PLCH1: variants seen among roughly 807,000 people sequenced by gnomAD.
PLCH1 encodes the protein 1-phosphatidylinositol 4,5-bisphosphate phosphodiesterase eta-1.
PLCH1 carries 60 observed loss-of-function variants against 126.7 expected under a neutral mutation model. The ratio of observed to expected loss-of-function variants is 0.47; its 90% CI spans 0.38 to 0.59. The LOEUF is 0.59. Ranked by LOEUF, PLCH1 falls within the 20% of genes least tolerant of loss-of-function variation. The pLI is 0.00. For missense variants in PLCH1, 1,723 were observed against 2,040.0 expected (o/e 0.84, Z 2.99); for synonymous variants, 719 against 734.9 (o/e 0.98, Z 0.35).
chr3:155,657,268 C>A (rs1406643379), intron 2 of PLCH1, among the ~76,000 whole-genome samples: 1 of 152,096 alleles, frequency 6.6e-6, no homozygotes, highest in African/African-American at 2.4e-5. Flanking sequence ...ATGAAGTAGG[C>A]CTATGGTTGC....
rs193048365 is a variant in PLCH1 at position 155,458,203 on chromosome 3, G to A, written c.2938+27153C>T. Among the ~76,000 whole-genome samples the A allele has an allele frequency of 4.4e-4, 67 of 151,702 alleles. No individual in the cohort carries two copies. The East Asian group carries it at 0.011, about 24-fold the overall frequency. On this transcript the variant is annotated intron_variant, in intron 21 of 21. Coordinates refer to the PLCH1 transcript ENST00000494598. ...CCAAAAATACAAAAATTAGTGGGGC[G>A]TAGTAGTGCATGCCTGTAATTCCAG...
rs368685875 is a variant in PLCH1, at chr3:155,481,468, C to T, written c.4558G>A (p.Gly1520Ser). The change falls in exon 23 of 23, where the codon GGC (glycine) becomes AGC (serine). Residue 1520 changes from glycine to serine, a missense_variant. Physicochemically the swap from Gly to Ser is moderately conservative, Grantham distance 56. Transcript: ENST00000460012. This position sits in a 1 kb window ranked among gnomAD's most constrained non-coding sequence, Gnocchi z 4.2. ...AACGACTTTGTCTTCACAGTCACGC[C>T]CTTCTTGTCTCTAATGCCAGTTGTA... ...FVTTGIRDKK[G>S]VTVKTKSLEP... 10 of 1,614,048 alleles carry T rather than the reference C, an allele frequency of 6.2e-6. No homozygotes were observed. In the East Asian group the frequency reaches 1.8e-4, roughly 29 times the overall value.
chr3:155,497,629 C>T (rs1717247245), intron 14 of PLCH1, among the ~76,000 whole-genome samples: 1 of 152,240 alleles, frequency 6.6e-6, no homozygotes, highest in Admixed American at 6.5e-5. Context: ...CTTATCCTCA[C>T]TTTCCCTTTC....
At chr3:155,565,683 T>C (rs778735745) in intron 7 of PLCH1, among the ~76,000 whole-genome samples, 6 of 137,928 alleles carry the variant, frequency 4.4e-5, no homozygotes, top group Non-Finnish European at 9.6e-5. Flanking sequence ...TTTCCTTCTT[T>C]ATTTTATTTT....
chr3:155,637,806 C>A (rs886928483), intron 2 of PLCH1, among the ~76,000 whole-genome samples: 7 of 152,148 alleles, frequency 4.6e-5, no homozygotes, highest in African/African-American at 1.7e-4. Flanking sequence ...TTTAAAGTAA[C>A]CTTTCAAATC....
rs375773648 is a variant in PLCH1, at chr3:155,504,578, T to G, written c.1681A>C (p.Met561Leu). ...ACCTTATGTTTTCCAAAGTTGGTCATGAGGGATCGTCCATGTGATTTCTTT... is the reference window on the plus strand; with the variant it reads ...ACCTTATGTTTTCCAAAGTTGGTCAGGAGGGATCGTCCATGTGATTTCTTT... ...SGKKSHGRSL[M>L]TNFGKHKKTT... Residue 561 changes from methionine to leucine, a missense_variant, in exon 13 of 23, where the codon ATG (methionine) becomes CTG (leucine). Met to Leu is a conservative substitution (Grantham distance 15). This residue lies in a region of PLCH1 where 776 missense variants were observed against 1,062.9 expected (regional missense o/e 0.73). Transcript: ENST00000460012. The G allele has an allele frequency of 6.2e-7, 1 of 1,606,500 alleles. No homozygotes were observed. Among genetic ancestry groups the G allele is most frequent in the South Asian group, 1.1e-5 (1 of 90,934 alleles).
chr3:155,640,023 T>A (rs539844492), intron 2 of PLCH1, among the ~76,000 whole-genome samples: 4 of 152,252 alleles, frequency 2.6e-5, no homozygotes, highest in Non-Finnish European at 5.9e-5. Flanking sequence ...ATGCTTTCTG[T>A]ACAGCCTGCA....
chr3:155,649,338 C>T (rs903397478), intron 2 of PLCH1, among the ~76,000 whole-genome samples: 1 of 152,120 alleles, frequency 6.6e-6, no homozygotes, highest in Admixed American at 6.5e-5. Context: ...AATTCTGTTT[C>T]GGCCCTAAAA....
intron 10 of PLCH1, among the ~76,000 whole-genome samples, chr3:155,544,874 A>T (rs2108416647): frequency 6.6e-6 from 1 of 151,610 alleles, no homozygotes; most frequent in Admixed American, 6.6e-5. Context: ...AATCTCTGGG[A>T]CACATTCAAA....
At chr3:155,547,246 TC>T (rs944293024) in intron 10 of PLCH1, among the ~76,000 whole-genome samples, 214 of 149,840 alleles carry the variant, frequency 1.4e-3, no homozygotes, top group African/African-American at 5.1e-3. Context: ...AACAGACACT[TC>T]TCAAAAGAAG....
chr3:155,614,370 G>C (rs968575462), intron 2 of PLCH1, among the ~76,000 whole-genome samples: 8 of 152,026 alleles, frequency 5.3e-5, no homozygotes, highest in Non-Finnish European at 1.0e-4. Context: ...CAAATCTGGA[G>C]GCATCACATT....
intron 1 of PLCH1, among the ~76,000 whole-genome samples, chr3:155,716,581 G>A (rs1314397753): frequency 4.6e-5 from 7 of 152,112 alleles, no homozygotes; most frequent in Admixed American, 4.6e-4. Flanking sequence ...AGGAGCAAGA[G>A]AATACGATGG....
intron 6 of PLCH1, among the ~76,000 whole-genome samples, chr3:155,579,844 C>T (rs867925721): frequency 2.0e-5 from 3 of 152,098 alleles, no homozygotes; most frequent in African/African-American, 7.2e-5. Context: ...GCCTGTCAGT[C>T]TCTGTCTCTG....
chr3:155,666,182 CAA>C (rs984915813), intron 2 of PLCH1, among the ~76,000 whole-genome samples: 2 of 152,176 alleles, frequency 1.3e-5, no homozygotes, highest in African/African-American at 4.8e-5. Flanking sequence ...ATTTCTGAGC[CAA>C]AGAGTTTTTC....
At chr3:155,591,906 A>G (rs548484381) in intron 4 of PLCH1, among the ~76,000 whole-genome samples, 207 of 151,922 alleles carry the variant, frequency 1.4e-3, no homozygotes, top group African/African-American at 4.9e-3. Context: ...GGGTCTCACT[A>G]TTTTGCCGAG....
At chr3:155,596,166 G>A (rs778413863) in intron 3 of PLCH1, 66 bp downstream of exon 3, 2 of 1,170,474 alleles carry the variant, frequency 1.7e-6, no homozygotes, top group Non-Finnish European at 2.5e-6. Flanking sequence ...AGCTTCAAGA[G>A]CCCACTCAGT....
intron 21 of PLCH1, chr3:155,486,176 T>C (rs1715054532): frequency 1.3e-6 from 2 of 1,547,164 alleles, no homozygotes; most frequent in Non-Finnish European, 8.7e-7. Context: ...TGCAATATAG[T>C]ATAACTGGGG....
At chr3:155,632,617 T>TAA (rs1738187163) in intron 2 of PLCH1, among the ~76,000 whole-genome samples, 1 of 152,124 alleles carries the variant, frequency 6.6e-6, no homozygotes, top group Non-Finnish European at 1.5e-5. Context: ...CACAAAAAAA[T>TAA]TGTTAAGAGC....
chr3:155,722,539 G>A lies in PLCH1; in HGVS notation c.-40-18275C>T, dbSNP rs1748032641. Among the ~76,000 whole-genome samples, 3 of 152,036 alleles carry A rather than the reference G, an allele frequency of 2.0e-5. No homozygotes were observed. In the South Asian group the frequency reaches 6.2e-4, roughly 32 times the overall value. ...AGGGTCTTAATCATAAAAGAATGCTGGATTTTGTCAAATGCTTTTTCTGAG... is the reference window on the plus strand; with the variant it reads ...AGGGTCTTAATCATAAAAGAATGCTAGATTTTGTCAAATGCTTTTTCTGAG... On this transcript the variant is annotated intron_variant, in intron 1 of 22. Coordinates refer to ENST00000460012, the MANE Select transcript of PLCH1 (RefSeq NM_014996.4).
Sources: gnomAD v4.1 joint callset for allele counts (sites outside exome capture counted in the v4.1 genomes callset) on GRCh38, gnomAD v4.1.1 for gene constraint, gnomAD v4.1.1 regional missense constraint, Gnocchi (gnomAD v3.1) non-coding constraint, MANE v1.5 for transcripts, NCBI Gene and HGNC (gene_info 2026-07-23, HGNC 2026-07-21) for gene names.